The following DAB2 variants were observed in gnomAD, a reference collection of about 807,000 sequenced individuals.
DAB2 encodes disabled homolog 2.
A neutral mutation model predicts 71.6 loss-of-function variants in DAB2; 28 were observed. The observed-to-expected ratio is 0.39, with a 90% CI of 0.29 to 0.54. The LOEUF (loss-of-function observed/expected upper bound fraction) is 0.54. Ranked by LOEUF, DAB2 falls within the 20% of genes least tolerant of loss-of-function variation. DAB2 has a pLI of 0.68. For synonymous variants in DAB2, 345 were observed against 339.7 expected (o/e 1.02, Z -0.17); for missense variants, 867 against 928.8 (o/e 0.93, Z 0.86).
chr5:39,407,387 T>G (rs1014529292), intron 1 of DAB2, among the ~76,000 whole-genome samples: 1 of 151,774 alleles, frequency 6.6e-6, no homozygotes, highest in African/African-American at 2.4e-5. Flanking sequence ...GCCTGGCTAA[T>G]TTTTGTATTT....
At chr5:39,392,244 TATATG>T (rs1755248365) in intron 4 of DAB2, 116 bp downstream of exon 4, 1 of 732,718 alleles carries the variant, frequency 1.4e-6, no homozygotes, top group African/African-American at 1.7e-5. Context: ...GGAGATGTAA[TATATG>T]ATATATTTGT....
rs565147153 is a variant in DAB2 at position 39,383,288 on chromosome 5, GA to G, written c.688-18del. On this transcript the variant is annotated intron_variant, in intron 9 of 14. Transcript: ENST00000320816. Reference sequence around the variant, plus strand: ...TTTGCTTTCCTATCACATTTGGAAAGAAAAAAAAAGAAAGTGTTAGTCCATG... The same window carrying G: ...TTTGCTTTCCTATCACATTTGGAAAGAAAAAAAAGAAAGTGTTAGTCCATG... The G allele has an allele frequency of 2.6e-4, 399 of 1,534,006 alleles. 1 individual carries two copies. The African/African-American group carries it at 3.0e-3, about 12-fold the overall frequency.
chr5:39,421,675 T>C lies in DAB2; in HGVS notation c.-102+3129A>G, dbSNP rs115763291. Among the ~76,000 whole-genome samples, 1,317 of 152,290 alleles carry C rather than the reference T, an allele frequency of 8.6e-3. 22 individuals are homozygous for C. Among genetic ancestry groups the C allele is most frequent in the African/African-American group, 0.031 (1,274 of 41,556 alleles). ...TAAGTAAAGACTGAGGAGTCTGCTT[T>C]CCTTCTGATTTCCACCAGTTAATCC... On this transcript the variant is annotated intron_variant, in intron 1 of 14. Coordinates refer to ENST00000320816, the MANE Select transcript of DAB2 (RefSeq NM_001343.4).
rs150841832 is a variant in DAB2 at position 39,404,595 on chromosome 5, T to C, written c.-101-10174A>G. 3.7e-3 allele frequency among the ~76,000 whole-genome samples: 568 copies of C among 151,886 alleles called. 1 individual carries two copies. The highest frequency in any genetic ancestry group is 5.9e-3 in the Non-Finnish European group (399 of 67,866). On this transcript the variant is annotated intron_variant, in intron 1 of 14. Transcript: ENST00000320816. ...GGATTTTGGTTTTTGGGTTTTTTTT[T>C]TGAGACAGAGTCTTGCTCTGTCTCC...
Position 39,394,262 on chromosome 5 carries a change from G to C in DAB2, c.59C>G (p.Pro20Arg). ...TNGQPDQQAA[P>R]KAPSKKEKKK... ...TTTTTCCTTCTTTGAGGGTGCTTTT[G>C]GTGCGGCCTGTTGGTCGGGCTGACC... The change falls in exon 2 of 15, where the codon CCA becomes CGA. Residue 20 changes from proline to arginine, a missense_variant. Pro to Arg is a moderately radical substitution (Grantham distance 103). This residue lies in a region of DAB2 where 127 missense variants were observed against 194.4 expected (regional missense o/e 0.65). Coordinates refer to ENST00000320816, the MANE Select transcript of DAB2 (RefSeq NM_001343.4). 6.2e-7 allele frequency: 1 copy of C among 1,614,058 alleles called. No homozygotes were observed. Among genetic ancestry groups the C allele is most frequent in the South Asian group, 1.1e-5 (1 of 91,080 alleles).
rs1232950773 is a variant in DAB2 at position 39,381,572 on chromosome 5, G to A, written c.1386C>T (p.Pro462=). The A allele has an allele frequency of 1.2e-5, 19 of 1,614,008 alleles. No individual in the cohort carries two copies. The highest frequency in any genetic ancestry group is 1.7e-5 in the Admixed American group (1 of 60,002). ...DLLASDIFAP[P]VSEPSGQASP... is the part of the protein sequence containing the mutation. The stretch of plus-strand genomic sequence containing the variant: ...ACGCCTGGCCTGAAGGTTCTGAGAC[G>A]GGAGGAGCAAAGATGTCTGATGCAA... The change falls in exon 11 of 15, where the codon CCC becomes CCT. Residue 462 remains proline, a synonymous_variant. Transcript: ENST00000320816.
chr5:39,419,840 G>A (rs1245081619), intron 1 of DAB2, among the ~76,000 whole-genome samples: 1 of 152,182 alleles, frequency 6.6e-6, no homozygotes, highest in East Asian at 1.9e-4. Flanking sequence ...CTTGGTATAT[G>A]GGAAAAATAT....
intron 1 of DAB2, among the ~76,000 whole-genome samples, chr5:39,412,978 G>C (rs1032541023): frequency 3.9e-5 from 6 of 152,190 alleles, no homozygotes; most frequent in Non-Finnish European, 8.8e-5. Flanking sequence ...TATAGGGCCT[G>C]TGCTGGGTTA....
At chr5:39,374,891 T>C (rs1754784270) in intron 14 of DAB2, 123 bp downstream of exon 14, 2 of 690,228 alleles carry the variant, frequency 2.9e-6, no homozygotes, top group South Asian at 1.7e-5. Flanking sequence ...TTCCTGTCGA[T>C]TACTCCTAAA....
rs142014918 is a variant in DAB2, at chr5:39,416,963, A to G, written c.-102+7841T>C. On this transcript the variant is annotated intron_variant, in intron 1 of 14. Coordinates refer to ENST00000320816, the MANE Select transcript of DAB2 (RefSeq NM_001343.4). ...AAGAAATATAGGCTTTTCTTCAACTACTAAGCAATCTCCACTCAAACACAT... is the reference window on the plus strand; with the variant it reads ...AAGAAATATAGGCTTTTCTTCAACTGCTAAGCAATCTCCACTCAAACACAT... Among the ~76,000 whole-genome samples the G allele has an allele frequency of 1.1e-3, 166 of 152,300 alleles. 1 individual carries two copies. Among genetic ancestry groups the G allele is most frequent in the Middle Eastern group, 6.8e-3 (2 of 294 alleles).
intron 1 of DAB2, among the ~76,000 whole-genome samples, chr5:39,402,905 T>G (rs1334221461): frequency 6.6e-6 from 1 of 152,224 alleles, no homozygotes; most frequent in Non-Finnish European, 1.5e-5. Flanking sequence ...TTAAAATTCA[T>G]GCCTACGTCA....
intron 1 of DAB2, among the ~76,000 whole-genome samples, chr5:39,421,583 T>G (rs1179238699): frequency 6.6e-6 from 1 of 152,196 alleles, no homozygotes; most frequent in Non-Finnish European, 1.5e-5. Context: ...TGTTGAATGT[T>G]AGCCCTCTGT....
At chr5:39,404,319 C>T (rs1175971210) in intron 1 of DAB2, among the ~76,000 whole-genome samples, 1 of 150,250 alleles carries the variant, frequency 6.7e-6, no homozygotes, top group East Asian at 2.0e-4. Context: ...GGGTGCGGCA[C>T]ACCAACATGG....
chr5:39,420,461 T>A (rs1755954314), intron 1 of DAB2, among the ~76,000 whole-genome samples: 2 of 152,214 alleles, frequency 1.3e-5, no homozygotes, highest in Non-Finnish European at 2.9e-5. Context: ...CCTGAAAATC[T>A]AAGTGACAGC....
In DAB2 at chr5:39,376,784, G is replaced by A. The variant is rs769932133; in HGVS notation, c.2003C>T (p.Ala668Val). Reference sequence around the variant, plus strand: ...AGAAGAAGTCTGCTCTCCCTTCCGCGCGGGCACAGCAGGTGGCTGCCGCAG... The same window carrying A: ...AGAAGAAGTCTGCTCTCCCTTCCGCACGGGCACAGCAGGTGGCTGCCGCAG... ...FQLRQPPAVPARKGEQTSSGT... is the reference protein window; with the variant it reads ...FQLRQPPAVPVRKGEQTSSGT... Residue 668 changes from alanine (A) to valine (V), a missense_variant, in exon 12 of 15, where the codon GCG (alanine) becomes GTG (valine). Around this residue, in one of 2 missense-constraint regions of DAB2, gnomAD observed 740 missense variants for 734.3 expected, o/e 1.01. Coordinates refer to ENST00000320816, the MANE Select transcript of DAB2 (RefSeq NM_001343.4). The A allele has an allele frequency of 5.6e-6, 9 of 1,614,054 alleles. No homozygotes were observed. Among genetic ancestry groups the A allele is most frequent in the East Asian group, 2.2e-5 (1 of 44,862 alleles).
chr5:39,397,275 C>T (rs556671159), intron 1 of DAB2, among the ~76,000 whole-genome samples: 22 of 152,312 alleles, frequency 1.4e-4, no homozygotes, highest in African/African-American at 5.1e-4. Context: ...CAACAGGTCC[C>T]AGGCCCTCAG....
intron 1 of DAB2, among the ~76,000 whole-genome samples, chr5:39,404,505 G>A (rs1415667672): frequency 8.3e-5 from 12 of 145,422 alleles, no homozygotes; most frequent in East Asian, 2.0e-4. Context: ...TATAAAGAAC[G>A]TTTAGAAGAG....
chr5:39,392,129 A>C (rs1039171346), intron 4 of DAB2: 1 of 382,604 alleles, frequency 2.6e-6, no homozygotes, highest in African/African-American at 2.1e-5. Flanking sequence ...ATCTAAGCCT[A>C]TTAACAGACT....
chr5:39,403,711 T>C (rs2112084780), intron 1 of DAB2, among the ~76,000 whole-genome samples: 1 of 145,418 alleles, frequency 6.9e-6, no homozygotes, highest in South Asian at 2.2e-4. Flanking sequence ...TTTAGTTTTT[T>C]TGGAATTTTT....
Sources: gnomAD v4.1 joint callset for allele counts (sites outside exome capture counted in the v4.1 genomes callset) on GRCh38, gnomAD v4.1.1 for gene constraint, gnomAD v4.1.1 regional missense constraint, MANE v1.5 for transcripts, NCBI Gene and HGNC (gene_info 2026-07-23, HGNC 2026-07-21) for gene names.